Variants in BCL2 observed in about 807,000 individuals in gnomAD.
The protein encoded by BCL2 is apoptosis regulator Bcl-2.
In BCL2, 1 loss-of-function variant was observed where a neutral mutation model predicts 14.2. The ratio of observed to expected loss-of-function variants is 0.07; its 90% CI spans 0.02 to 0.33. The LOEUF is 0.33. BCL2 is among the 10% of genes least tolerant of loss of function. BCL2 has a pLI of 0.99. For missense variants in BCL2, 247 were observed against 305.9 expected (o/e 0.81, Z 1.44); for synonymous variants, 151 against 137.2 (o/e 1.10, Z -0.70).
chr18:63,253,503 G>A (rs568172283), intron 2 of BCL2, among the ~76,000 whole-genome samples: 20 of 152,336 alleles, frequency 1.3e-4, no homozygotes, highest in Non-Finnish European at 2.1e-4. Flanking sequence ...TCACCGCAGA[G>A]ACTTTATGAA....
At chr18:63,155,966 G>A (rs1371579730) in intron 2 of BCL2, among the ~76,000 whole-genome samples, 2 of 151,950 alleles carry the variant, frequency 1.3e-5, no homozygotes, top group Admixed American at 6.6e-5. Flanking sequence ...CAAGGTGAGG[G>A]GCACTTGGTG....
chr18:63,267,021 G>C (rs2041423835), intron 2 of BCL2, among the ~76,000 whole-genome samples: 1 of 152,248 alleles, frequency 6.6e-6, no homozygotes, highest in African/African-American at 2.4e-5. Flanking sequence ...AGGGGAAACA[G>C]AGAGTGCTCC....
chr18:63,309,614 C>T (rs368916558), intron 2 of BCL2, among the ~76,000 whole-genome samples: 1 of 152,112 alleles, frequency 6.6e-6, no homozygotes, highest in Non-Finnish European at 1.5e-5. Context: ...CCTGGTCTCC[C>T]CCGTCCAGGC....
At chr18:63,184,709 T>C (rs1915551377) in intron 2 of BCL2, among the ~76,000 whole-genome samples, 1 of 152,210 alleles carries the variant, frequency 6.6e-6, no homozygotes, top group African/African-American at 2.4e-5. Context: ...AAGGCTTCTG[T>C]AAACTGTTGA....
Position 63,126,535 on chromosome 18 carries a change from A to C in BCL2, c.*2090T>G, listed in dbSNP as rs1185117083. ...CCCAGGGACGAGGAAACCTTCAAGA[A>C]ACAAGGTCAAAGGGACAACAGATAT... On this transcript the variant is annotated 3_prime_UTR_variant, in exon 3 of 3. Coordinates refer to ENST00000333681, the MANE Select transcript of BCL2 (RefSeq NM_000633.3). 4.4e-6 allele frequency: 1 copy of C among 228,892 alleles called. No homozygotes were observed. Among genetic ancestry groups the C allele is most frequent in the African/African-American group, 2.2e-5 (1 of 45,102 alleles). 14.2% of individuals were successfully genotyped at this position (228,892 alleles called of 1,614,324 possible). A position where few individuals can be genotyped will look rare whatever the true frequency, so the allele number is the denominator to read the frequency against.
At chr18:63,266,654 C>CACACACACAT (rs1568252222) in intron 2 of BCL2, among the ~76,000 whole-genome samples, 2 of 151,178 alleles carry the variant, frequency 1.3e-5, no homozygotes, top group African/African-American at 4.9e-5. Flanking sequence ...CACACACACA[C>CACACACACAT]ACAAAAATAT....
chr18:63,320,058 G>A (rs924997397), upstream of BCL2: 2 of 147,726 alleles, frequency 1.4e-5, no homozygotes, highest in African/African-American at 4.9e-5. Flanking sequence ...GCGGCAGCGC[G>A]GCGGGGCCAC....
chr18:63,257,038 C>G (rs1568249211), intron 2 of BCL2, among the ~76,000 whole-genome samples: 3 of 152,160 alleles, frequency 2.0e-5, no homozygotes, highest in Non-Finnish European at 2.9e-5. Flanking sequence ...TATGTCCTTA[C>G]TATTTTGTTT....
At chr18:63,284,079 C>T (rs186621089) in intron 2 of BCL2, among the ~76,000 whole-genome samples, 72 of 152,234 alleles carry the variant, frequency 4.7e-4, no homozygotes, top group Non-Finnish European at 6.3e-4. Flanking sequence ...AGCGCGCTGA[C>T]GAATGGATAT....
intron 2 of BCL2, among the ~76,000 whole-genome samples, chr18:63,192,168 G>T (rs554632080): frequency 6.6e-6 from 1 of 152,358 alleles, no homozygotes; most frequent in East Asian, 1.9e-4. Flanking sequence ...GGAATGATTG[G>T]GTGTTCCAGG....
At chr18:63,230,268 T>C (rs1390042311) in intron 2 of BCL2, among the ~76,000 whole-genome samples, 5 of 152,154 alleles carry the variant, frequency 3.3e-5, no homozygotes, top group African/African-American at 1.2e-4. Context: ...TGCTAAATTA[T>C]TAATATGAAA....
intron 2 of BCL2, among the ~76,000 whole-genome samples, chr18:63,206,732 T>C (rs933849196): frequency 6.6e-6 from 1 of 151,930 alleles, no homozygotes; most frequent in Non-Finnish European, 1.5e-5. Flanking sequence ...AGAGTGACAC[T>C]GATCGGACAG....
intron 2 of BCL2, among the ~76,000 whole-genome samples, chr18:63,144,099 C>G (rs1231443907): frequency 2.0e-5 from 3 of 152,168 alleles, no homozygotes; most frequent in African/African-American, 7.2e-5. Flanking sequence ...TGAGGAAACC[C>G]CTTGGCCAAT....
At chr18:63,310,537 T>A (rs1226743895) in intron 2 of BCL2, among the ~76,000 whole-genome samples, 1 of 152,232 alleles carries the variant, frequency 6.6e-6, no homozygotes, top group Non-Finnish European at 1.5e-5. Context: ...GTGATTTGTA[T>A]CCTTGTCTTG....
intron 2 of BCL2, among the ~76,000 whole-genome samples, chr18:63,238,138 A>G (rs567405229): frequency 6.6e-6 from 1 of 152,354 alleles, no homozygotes; most frequent in East Asian, 1.9e-4. Flanking sequence ...GGAGGGCAAC[A>G]CAACATGTAT....
rs879058561 is a variant in BCL2 at position 63,126,421 on chromosome 18, T to C, written c.*2204A>G. 6.2e-5 allele frequency: 14 copies of C among 226,134 alleles called. No individual in the cohort carries two copies. The highest frequency in any genetic ancestry group is 5.5e-4 in the South Asian group (3 of 5,478). The allele number at this position is 226,134 out of a possible 1,614,324, so 14.0% of individuals were successfully genotyped here. A position where few individuals can be genotyped will look rare whatever the true frequency, so the allele number is the denominator to read the frequency against. Reference sequence around the variant, plus strand: ...CCATAGATTTGAATCTGCTGGTCATTTGCCATCTGGATTTTTAACTGAATG... The same window carrying C: ...CCATAGATTTGAATCTGCTGGTCATCTGCCATCTGGATTTTTAACTGAATG... On this transcript the variant is annotated 3_prime_UTR_variant, in exon 3 of 3. Transcript: ENST00000333681.
intron 2 of BCL2, chr18:63,302,914 G>T (rs1913009387): frequency 6.1e-6 from 6 of 981,508 alleles, no homozygotes; most frequent in Non-Finnish European, 7.3e-6. Flanking sequence ...TAAACTGAGG[G>T]GGATGGAAAT....
At chr18:63,167,192 T>C (rs1315553127) in intron 2 of BCL2, among the ~76,000 whole-genome samples, 1 of 152,222 alleles carries the variant, frequency 6.6e-6, no homozygotes, top group African/African-American at 2.4e-5. Context: ...ACCTATTTCC[T>C]GTCTTTCTCG....
Position 63,178,364 on chromosome 18 carries a change from G to A in BCL2, c.586-49605C>T, listed in dbSNP as rs183576896. 3.4e-3 allele frequency among the ~76,000 whole-genome samples: 518 copies of A among 152,292 alleles called. 4 individuals are homozygous for A. Among genetic ancestry groups the A allele is most frequent in the African/African-American group, 0.012 (500 of 41,556 alleles). ...AACCAGAGATGGAAGCGCGTCTCAG[G>A]GGAGGGCGGGGCGCTGTGTAATCGA... is the stretch of plus-strand genomic sequence containing the variant. On this transcript the variant is annotated intron_variant, in intron 2 of 2. Coordinates refer to ENST00000333681, the MANE Select transcript of BCL2 (RefSeq NM_000633.3).
Sources: gnomAD v4.1 joint callset for allele counts (sites outside exome capture counted in the v4.1 genomes callset) on GRCh38, gnomAD v4.1.1 for gene constraint, MANE v1.5 for transcripts, NCBI Gene and HGNC (gene_info 2026-07-23, HGNC 2026-07-21) for gene names.